Variants in DENND4A observed in about 807,000 individuals in gnomAD.
The protein encoded by DENND4A is C-myc promoter-binding protein.
In DENND4A, 70 loss-of-function variants were observed where a neutral mutation model predicts 199.3. The ratio of observed to expected loss-of-function variants is 0.35; its 90% confidence interval spans 0.29 to 0.43. The LOEUF (loss-of-function observed/expected upper bound fraction) is 0.43. Ranked by LOEUF, DENND4A falls within the 20% of genes least tolerant of loss-of-function variation. The pLI, the probability that DENND4A is intolerant of heterozygous loss-of-function variation, is 1.00. For synonymous variants in DENND4A, 686 were observed against 766.9 expected (o/e 0.89, Z 1.74); for missense variants, 1,723 against 2,255.8 (o/e 0.76, Z 4.78).
At chr15:65,756,117 A>G in intron 3 of DENND4A, 23 bp downstream of exon 3, 1 of 1,558,984 alleles carries the variant, frequency 6.4e-7, no homozygotes, top group Non-Finnish European at 8.7e-7. Flanking sequence ...CAATAACAGT[A>G]AGTCGTTTAA....
chr15:65,747,593 G>T (rs1339594487), intron 4 of DENND4A, among the ~76,000 whole-genome samples: 1 of 152,094 alleles, frequency 6.6e-6, no homozygotes, highest in Non-Finnish European at 1.5e-5. Flanking sequence ...GATATCCTGT[G>T]CTATCTTATT....
At chr15:65,791,378 T>G (rs2077716547) in intron 1 of DENND4A, among the ~76,000 whole-genome samples, 1 of 152,172 alleles carries the variant, frequency 6.6e-6, no homozygotes, top group Non-Finnish European at 1.5e-5. Context: ...TTTTTACTGT[T>G]TTTCCTGCCC....
chr15:65,791,120 G>A (rs891400415), intron 1 of DENND4A, among the ~76,000 whole-genome samples: 3 of 152,156 alleles, frequency 2.0e-5, no homozygotes, highest in African/African-American at 7.2e-5. Flanking sequence ...GCCCTCACGG[G>A]TCTCTAGCTG....
chr15:65,787,986 G>A (rs2077610791), intron 1 of DENND4A, among the ~76,000 whole-genome samples: 1 of 151,952 alleles, frequency 6.6e-6, no homozygotes, highest in Non-Finnish European at 1.5e-5. Context: ...CTTTGGTGGA[G>A]GAAAGAAAAA....
Position 65,660,263 on chromosome 15 carries a change from C to G in DENND4A, c.*1588G>C. On this transcript the variant is annotated 3_prime_UTR_variant, in exon 33 of 33. Transcript: ENST00000443035. ...CTGAAGTTTTACATTTTTAAACTCT[C>G]TCCATTATTTCCCAGAGTTGGAAGC... The G allele has an allele frequency of 6.5e-7, 1 of 1,532,504 alleles. No individual in the cohort carries two copies. The highest frequency in any genetic ancestry group is 8.7e-7 in the Non-Finnish European group (1 of 1,144,042). The allele number at this position is 1,532,504 out of a possible 1,614,324, so 94.9% of individuals were successfully genotyped here. A position where few individuals can be genotyped will look rare whatever the true frequency, so the allele number is the denominator to read the frequency against.
chr15:65,747,134 G>A (rs1337859085), intron 4 of DENND4A, among the ~76,000 whole-genome samples: 1 of 151,542 alleles, frequency 6.6e-6, no homozygotes, highest in Non-Finnish European at 1.5e-5. Context: ...CTTAACGAGA[G>A]TCAAAAACTA....
intron 3 of DENND4A, among the ~76,000 whole-genome samples, chr15:65,755,081 A>G (rs2140659862): frequency 6.6e-6 from 1 of 152,382 alleles, no homozygotes; most frequent in East Asian, 1.9e-4. Context: ...AATGGAATAA[A>G]GTACCGACAC....
At chr15:65,720,875 T>C (rs545541019) in intron 12 of DENND4A, among the ~76,000 whole-genome samples, 16 of 148,644 alleles carry the variant, frequency 1.1e-4, no homozygotes, top group Middle Eastern at 7.1e-3. Context: ...ATTATCAGTA[T>C]TATTTAAATG....
At chr15:65,777,345 A>C (rs908931411) in intron 1 of DENND4A, among the ~76,000 whole-genome samples, 3 of 151,908 alleles carry the variant, frequency 2.0e-5, no homozygotes, top group Non-Finnish European at 4.4e-5. Flanking sequence ...TACATTTTTT[A>C]AATTACAAAC....
intron 20 of DENND4A, among the ~76,000 whole-genome samples, chr15:65,698,420 T>C (rs1435542379): frequency 6.6e-6 from 1 of 152,210 alleles, no homozygotes; most frequent in Non-Finnish European, 1.5e-5. Context: ...AGGAGACATA[T>C]GATTTTAAGT....
At chr15:65,673,480 T>C (rs2141907274) in intron 24 of DENND4A, among the ~76,000 whole-genome samples, 1 of 147,768 alleles carries the variant, frequency 6.8e-6, no homozygotes, top group Middle Eastern at 3.5e-3. Flanking sequence ...AAATAAATGA[T>C]AAACAAAGGT....
At chr15:65,662,328 C>T (rs1382083676) in intron 32 of DENND4A, among the ~76,000 whole-genome samples, 1 of 152,140 alleles carries the variant, frequency 6.6e-6, no homozygotes, top group Non-Finnish European at 1.5e-5. Context: ...CCCATATTTT[C>T]TTTACACTAG....
intron 20 of DENND4A, among the ~76,000 whole-genome samples, chr15:65,699,920 C>T (rs1055503508): frequency 6.6e-6 from 1 of 151,786 alleles, no homozygotes; most frequent in African/African-American, 2.4e-5. Context: ...TCAAGTGAAC[C>T]ACCCACCTTA....
At chr15:65,750,949 TA>T (rs1185403126) in intron 4 of DENND4A, among the ~76,000 whole-genome samples, 1 of 152,156 alleles carries the variant, frequency 6.6e-6, no homozygotes, top group Admixed American at 6.5e-5. Flanking sequence ...ATCAGTTAGA[TA>T]AAAAACTATG....
intron 1 of DENND4A, among the ~76,000 whole-genome samples, chr15:65,768,785 C>G (rs918821792): frequency 6.6e-6 from 1 of 151,886 alleles, no homozygotes; most frequent in Non-Finnish European, 1.5e-5. Context: ...GAGTTCAGGA[C>G]CAGCCTGGCC....
At chr15:65,772,129 T>C in intron 1 of DENND4A, 1 of 799,714 alleles carries the variant, frequency 1.3e-6, no homozygotes, top group Admixed American at 2.1e-5. Flanking sequence ...GCTTCATCCC[T>C]GTTCCCCTCC....
chr15:65,757,267 G>C lies in DENND4A; in HGVS notation c.-22-795C>G, dbSNP rs370660755. ...TTTGTTTTATTCTTCTGAGATGGGGGGGGGGGGGTCTCACTATGTTGCCCA... is the reference window on the plus strand; with the variant it reads ...TTTGTTTTATTCTTCTGAGATGGGGCGGGGGGGGTCTCACTATGTTGCCCA... On this transcript the variant is annotated intron_variant, in intron 2 of 32. Transcript: ENST00000443035. 6.6e-3 allele frequency among the ~76,000 whole-genome samples: 976 copies of C among 148,666 alleles called. 27 individuals carry two copies. Among genetic ancestry groups the C allele is most frequent in the African/African-American group, 0.023 (928 of 40,712 alleles).
chr15:65,712,868 A>G (rs771837261), intron 14 of DENND4A, among the ~76,000 whole-genome samples: 3 of 152,152 alleles, frequency 2.0e-5, no homozygotes. Flanking sequence ...TATCATGGCC[A>G]TAACATCATG....
intron 23 of DENND4A, among the ~76,000 whole-genome samples, chr15:65,688,836 C>G (rs2076879750): frequency 6.6e-6 from 1 of 152,156 alleles, no homozygotes; most frequent in South Asian, 2.1e-4. Flanking sequence ...CAGAAACTGC[C>G]TGCTTTTATT....
Sources: allele counts gnomAD v4.1 joint callset (sites outside exome capture counted in the v4.1 genomes callset), GRCh38; gene constraint gnomAD v4.1.1; transcripts MANE v1.5; gene names NCBI Gene and HGNC (gene_info 2026-07-23, HGNC 2026-07-21).